LHFPL2: variants seen among roughly 807,000 people sequenced by gnomAD.
LHFPL2 encodes LHFPL tetraspan subfamily member 2 protein.
LHFPL2 carries 7 observed loss-of-function variants against 17.5 expected under a neutral mutation model. The observed-to-expected ratio is 0.40, with a 90% confidence interval of 0.23 to 0.75. LHFPL2 has a LOEUF of 0.75. Ranked by LOEUF, LHFPL2 falls within the 30% of genes least tolerant of loss-of-function variation. The pLI, the probability that LHFPL2 is intolerant of heterozygous loss-of-function variation, is 0.37. For synonymous variants in LHFPL2, 134 were observed against 116.2 expected, an observed-to-expected ratio of 1.15 and a Z score of -0.99; for missense variants, 241 against 294.8, an observed-to-expected ratio of 0.82 and a Z score of 1.34.
intron 3 of LHFPL2, among the ~76,000 whole-genome samples, chr5:78,537,403 T>C (rs1755982102): frequency 6.6e-6 from 1 of 152,208 alleles, no homozygotes; most frequent in African/African-American, 2.4e-5. Flanking sequence ...AAAAGATCTA[T>C]TTTTAGGTGT....
chr5:78,497,007 T>C (rs541441155), intron 4 of LHFPL2, among the ~76,000 whole-genome samples: 2 of 152,370 alleles, frequency 1.3e-5, no homozygotes, highest in South Asian at 4.1e-4. Context: ...ACTTGGCCTC[T>C]AGCAAGGCAC....
chr5:78,633,058 G>T (rs6868849), intron 1 of LHFPL2, among the ~76,000 whole-genome samples: 60,428 of 151,634 alleles, frequency 0.4, 14,191 homozygotes, highest in African/African-American at 0.67. Context: ...GTTTCGACTG[G>T]ACCTTAAGGC....
At chr5:78,644,689 G>A (rs1745800298) in intron 1 of LHFPL2, 3 of 293,014 alleles carry the variant, frequency 1.0e-5, no homozygotes, top group Non-Finnish European at 2.0e-5. Flanking sequence ...TTTCTCTTTA[G>A]CAGACATGGT....
At position 78,489,113 on chromosome 5, in the gene LHFPL2, G is replaced by A. The variant is rs779101244; in HGVS notation, c.471C>T (p.Gly157=). Residue 157 remains glycine (G), a synonymous_variant, in exon 5 of 5, where the codon GGC becomes GGT. Coordinates refer to ENST00000380345, the MANE Select transcript of LHFPL2 (RefSeq NM_005779.3). Reference sequence around the variant, plus strand: ...AGTCTATGGCCTTCTGGCAACCCCAGCCAGCAGGGTAGAGTATCAAACCGA... The same window carrying A: ...AGTCTATGGCCTTCTGGCAACCCCAACCAGCAGGGTAGAGTATCAAACCGA... ...LILGLILYPA[G]WGCQKAIDYC... The A allele has an allele frequency of 1.9e-5, 31 of 1,614,048 alleles. No homozygotes were observed. Among genetic ancestry groups the A allele is most frequent in the Non-Finnish European group, 2.5e-5 (30 of 1,180,016 alleles).
chr5:78,610,177 A>G (rs1282348408), intron 2 of LHFPL2, among the ~76,000 whole-genome samples: 1 of 152,092 alleles, frequency 6.6e-6, no homozygotes, highest in Non-Finnish European at 1.5e-5. Context: ...AGCAATGCTG[A>G]CACCCACGCC....
At chr5:78,585,586 G>C (rs1405022983) in intron 2 of LHFPL2, among the ~76,000 whole-genome samples, 8 of 152,098 alleles carry the variant, frequency 5.3e-5, no homozygotes, top group African/African-American at 1.7e-4. Context: ...CTCATGCTGG[G>C]AGCTGCATAC....
intron 3 of LHFPL2, among the ~76,000 whole-genome samples, chr5:78,560,620 G>C (rs1756699870): frequency 6.6e-6 from 1 of 152,204 alleles, no homozygotes; most frequent in South Asian, 2.1e-4. Context: ...ACAGCTTCAT[G>C]AGGCAGTGGA....
chr5:78,490,438 C>CTT (rs1301439743), intron 4 of LHFPL2, among the ~76,000 whole-genome samples: 2 of 152,232 alleles, frequency 1.3e-5, no homozygotes, highest in East Asian at 3.9e-4. Context: ...CCCAGCAAAA[C>CTT]TTTAAAACTT....
At chr5:78,584,323 T>G (rs1023429706) in intron 2 of LHFPL2, among the ~76,000 whole-genome samples, 5 of 152,282 alleles carry the variant, frequency 3.3e-5, no homozygotes, top group Non-Finnish European at 5.9e-5. Context: ...CCGTTGCTGG[T>G]GAGGAACTGC....
At chr5:78,517,130 G>A (rs536088683) in intron 3 of LHFPL2, among the ~76,000 whole-genome samples, 12 of 152,176 alleles carry the variant, frequency 7.9e-5, no homozygotes, top group Non-Finnish European at 1.8e-4. Flanking sequence ...AAGATTTTCA[G>A]GCATTCTGAT....
At chr5:78,610,512 T>C (rs1744382157) in intron 2 of LHFPL2, among the ~76,000 whole-genome samples, 1 of 152,060 alleles carries the variant, frequency 6.6e-6, no homozygotes, top group South Asian at 2.1e-4. Context: ...CCCAGAACTG[T>C]GGTGTGCATG....
chr5:78,634,766 G>C (rs1331625350), intron 1 of LHFPL2, among the ~76,000 whole-genome samples: 1 of 152,230 alleles, frequency 6.6e-6, no homozygotes, highest in African/African-American at 2.4e-5. Context: ...TAACAGCAAA[G>C]GAAGGTCAGG....
At position 78,558,113 on chromosome 5, in the gene LHFPL2, C is replaced by T. The variant is rs115643752; in HGVS notation, c.-186+6700G>A. On this transcript the variant is annotated intron_variant, in intron 3 of 4. Coordinates refer to ENST00000380345, the MANE Select transcript of LHFPL2 (RefSeq NM_005779.3). ...GCAGCATCTCAGAACTTCAGGGATA[C>T]GCTATTGCCTTCTTTAGTGGCAAGC... 1.5e-3 allele frequency among the ~76,000 whole-genome samples: 225 copies of T among 152,298 alleles called. 2 individuals are homozygous for T. The highest frequency in any genetic ancestry group is 2.4e-3 in the Non-Finnish European group (160 of 68,022).
intron 2 of LHFPL2, among the ~76,000 whole-genome samples, chr5:78,595,862 A>T (rs1182450942): frequency 6.6e-6 from 1 of 152,188 alleles, no homozygotes; most frequent in Non-Finnish European, 1.5e-5. Context: ...GGGATTCCTG[A>T]TGAGGAAAAA....
At chr5:78,607,569 C>T (rs1333743872) in intron 2 of LHFPL2, among the ~76,000 whole-genome samples, 3 of 152,174 alleles carry the variant, frequency 2.0e-5, no homozygotes, top group South Asian at 2.1e-4. Context: ...TTAGTTACCC[C>T]CATCCAGTTG....
At chr5:78,555,778 G>A (rs1384844708) in intron 3 of LHFPL2, among the ~76,000 whole-genome samples, 1 of 152,212 alleles carries the variant, frequency 6.6e-6, no homozygotes, top group East Asian at 1.9e-4. Flanking sequence ...AAAAGCCAGA[G>A]GATGCGAAAA....
intron 2 of LHFPL2, among the ~76,000 whole-genome samples, chr5:78,608,645 T>C (rs1006261643): frequency 6.6e-6 from 1 of 151,244 alleles, no homozygotes; most frequent in South Asian, 2.1e-4. Flanking sequence ...TAAAATACAT[T>C]AGAGAGGCTG....
chr5:78,505,161 C>A, intron 4 of LHFPL2, among the ~76,000 whole-genome samples: 1 of 152,196 alleles, frequency 6.6e-6, no homozygotes, highest in East Asian at 1.9e-4. Context: ...TCATGGAAAA[C>A]CTGGATCTTT....
intron 4 of LHFPL2, among the ~76,000 whole-genome samples, chr5:78,489,778 TAAGTA>T (rs1754375872): frequency 3.3e-5 from 5 of 152,248 alleles, no homozygotes; most frequent in South Asian, 2.1e-4. Context: ...GTTAACTTTA[TAAGTA>T]AAGTTTTATT....
Sources: gnomAD v4.1 joint callset for allele counts (sites outside exome capture counted in the v4.1 genomes callset) on GRCh38, gnomAD v4.1.1 for gene constraint, MANE v1.5 for transcripts, NCBI Gene and HGNC (gene_info 2026-07-23, HGNC 2026-07-21) for gene names.